The following RHCE variants were observed in gnomAD, a reference collection of about 807,000 sequenced individuals.
The protein encoded by RHCE is blood group Rh(CE) polypeptide.
A neutral mutation model predicts 43.8 loss-of-function variants in RHCE; 22 were observed. The observed-to-expected ratio is 0.50, with a 90% CI of 0.36 to 0.72. RHCE has a LOEUF of 0.72. RHCE is among the 30% of genes least tolerant of loss of function. The probability of loss-of-function intolerance (pLI) is 0.00; values close to 1 mark genes in which losing one functional copy is unlikely to be tolerated. For missense variants in RHCE, 385 were observed against 525.4 expected (o/e 0.73, Z 2.61); for synonymous variants, 156 against 210.7 (o/e 0.74, Z 2.25).
chr1:25,389,439 GTTTTTGTTTTA>G (rs1238109973), intron 5 of RHCE, among the ~76,000 whole-genome samples: 1 of 152,068 alleles, frequency 6.6e-6, no homozygotes, highest in Non-Finnish European at 1.5e-5. Context: ...GGAAGAATGG[GTTTTTGTTTTA>G]TTTTTTAGAG....
intron 7 of RHCE, among the ~76,000 whole-genome samples, chr1:25,377,429 C>T (rs1045614579): frequency 7.9e-5 from 12 of 151,948 alleles, no homozygotes; most frequent in Non-Finnish European, 1.5e-4. Flanking sequence ...ATCTCTTGAC[C>T]TTGTGATCTG....
At chr1:25,394,999 T>C (rs909623263) in intron 3 of RHCE, among the ~76,000 whole-genome samples, 3 of 148,024 alleles carry the variant, frequency 2.0e-5, no homozygotes, top group African/African-American at 7.7e-5. Context: ...CTAGACCAGT[T>C]AAGCTAGCAA....
At chr1:25,382,407 G>A (rs1233764076) in intron 7 of RHCE, among the ~76,000 whole-genome samples, 2 of 148,060 alleles carry the variant, frequency 1.4e-5, no homozygotes, top group African/African-American at 5.3e-5. Context: ...GTACTTGTAT[G>A]ATATTTGCAC....
intron 7 of RHCE, among the ~76,000 whole-genome samples, chr1:25,383,783 G>A (rs888330593): frequency 1.3e-5 from 2 of 152,108 alleles, no homozygotes; most frequent in Admixed American, 1.3e-4. Context: ...AGTTCCCATA[G>A]GCTCAGTGGG....
At chr1:25,420,412 G>A (rs1216025707) in intron 1 of RHCE, among the ~76,000 whole-genome samples, 1 of 152,122 alleles carries the variant, frequency 6.6e-6, no homozygotes. Context: ...CTCTCACTGT[G>A]CTGAAAAATC....
chr1:25,404,976 A>G (rs1218167789), intron 2 of RHCE, among the ~76,000 whole-genome samples: 1 of 150,776 alleles, frequency 6.6e-6, no homozygotes, highest in Non-Finnish European at 1.5e-5. Flanking sequence ...GGATTGCTTA[A>G]GGCCTGGAGT....
intron 1 of RHCE, among the ~76,000 whole-genome samples, chr1:25,416,614 C>CA (rs1217222920): frequency 6.6e-6 from 1 of 151,820 alleles, no homozygotes; most frequent in African/African-American, 2.4e-5. Context: ...CGCTTCACCT[C>CA]AAATATTTTC....
upstream of RHCE, among the ~76,000 whole-genome samples, chr1:25,422,779 G>A (rs1051543039): frequency 2.6e-5 from 4 of 152,168 alleles, no homozygotes; most frequent in African/African-American, 9.7e-5. Flanking sequence ...CCATGGACCG[G>A]GGTGAGGTTG....
At chr1:25,400,437 G>T (rs998478548) in intron 3 of RHCE, among the ~76,000 whole-genome samples, 2 of 151,142 alleles carry the variant, frequency 1.3e-5, no homozygotes, top group Admixed American at 1.3e-4. Flanking sequence ...GCTTCCTCCT[G>T]CCTCTCCAAG....
intron 3 of RHCE, among the ~76,000 whole-genome samples, chr1:25,401,759 C>T (rs1156248070): frequency 6.6e-6 from 1 of 152,226 alleles, no homozygotes; most frequent in Non-Finnish European, 1.5e-5. Flanking sequence ...CACAATCCTA[C>T]AGGATTATAC....
intron 1 of RHCE, among the ~76,000 whole-genome samples, chr1:25,415,705 A>G (rs1434081199): frequency 1.3e-5 from 2 of 152,050 alleles, no homozygotes; most frequent in Non-Finnish European, 1.5e-5. Flanking sequence ...GTGTCAATTC[A>G]TTTATCCTTT....
chr1:25,370,602 T>C, intron 8 of RHCE, 62 bp from the exon 9 acceptor site: 2 of 1,409,054 alleles, frequency 1.4e-6, no homozygotes, highest in Non-Finnish European at 2.0e-6. Context: ...ATCTCAAGAT[T>C]AATCAAAATA....
chr1:25,389,392 CCCATCA>C (rs1245333518), intron 5 of RHCE, among the ~76,000 whole-genome samples: 1 of 152,098 alleles, frequency 6.6e-6, no homozygotes, highest in Non-Finnish European at 1.5e-5. Flanking sequence ...ATCCTAGGCA[CCCATCA>C]CACTCATTAG....
At chr1:25,415,469 A>G (rs1647324151) in intron 1 of RHCE, among the ~76,000 whole-genome samples, 1 of 152,172 alleles carries the variant, frequency 6.6e-6, no homozygotes, top group Non-Finnish European at 1.5e-5. Flanking sequence ...CCTGACCAAC[A>G]TGGAGAAACC....
chr1:25,389,739 G>C lies in RHCE; in HGVS notation c.802-626C>G, dbSNP rs186452776. Among the ~76,000 whole-genome samples, 478 of 152,078 alleles carry C rather than the reference G, an allele frequency of 3.1e-3. 2 individuals are homozygous for C. The highest frequency in any genetic ancestry group is 0.01 in the African/African-American group (435 of 41,436). ...TTTTATTATTATTATTGGCTACTTG[G>C]TGCCTGTGCCACCCTGTGTGACTGG... On this transcript the variant is annotated intron_variant, in intron 5 of 9. Transcript: ENST00000294413.
At chr1:25,369,490 G>A (rs189163158) in intron 9 of RHCE, among the ~76,000 whole-genome samples, 1 of 151,604 alleles carries the variant, frequency 6.6e-6, no homozygotes, top group East Asian at 1.9e-4. Flanking sequence ...TCAAAGGGAG[G>A]AGAGTGGGAG....
intron 1 of RHCE, among the ~76,000 whole-genome samples, chr1:25,416,413 G>A (rs1208836770): frequency 1.3e-5 from 2 of 151,792 alleles, no homozygotes; most frequent in Admixed American, 1.3e-4. Flanking sequence ...ACAGGCACCC[G>A]CCACCATACC....
chr1:25,373,660 G>A (rs566585769), intron 8 of RHCE, among the ~76,000 whole-genome samples: 1 of 151,662 alleles, frequency 6.6e-6, no homozygotes, highest in South Asian at 2.1e-4. Context: ...GCTAACCAAG[G>A]CTCAGAGGGA....
intron 3 of RHCE, among the ~76,000 whole-genome samples, chr1:25,401,821 C>G (rs1226796599): frequency 6.6e-6 from 1 of 152,128 alleles, no homozygotes; most frequent in East Asian, 1.9e-4. Flanking sequence ...GCACAGACCA[C>G]ACTTTTGTAA....
Sources: gnomAD v4.1 joint callset for allele counts (sites outside exome capture counted in the v4.1 genomes callset) on GRCh38, gnomAD v4.1.1 for gene constraint, MANE v1.5 for transcripts, NCBI Gene and HGNC (gene_info 2026-07-23, HGNC 2026-07-21) for gene names.